The following NAALADL2 variants were observed in gnomAD, a reference collection of about 807,000 sequenced individuals.
NAALADL2 encodes the protein inactive N-acetylated-alpha-linked acidic dipeptidase-like protein 2.
Under a neutral mutation model 87.2 loss-of-function variants are expected in NAALADL2, and 76 were observed. That is an observed-to-expected ratio of 0.87 (90% CI 0.72 to 1.05). The LOEUF (loss-of-function observed/expected upper bound fraction) is 1.05. Ranked by LOEUF, NAALADL2 falls within the 50% of genes least tolerant of loss-of-function variation. NAALADL2 has a pLI of 0.00. For missense variants in NAALADL2, 1,089 were observed against 945.8 expected (o/e 1.15, Z -1.99); for synonymous variants, 354 against 331.0 (o/e 1.07, Z -0.75).
intron 1 of NAALADL2, among the ~76,000 whole-genome samples, chr3:174,924,005 A>G (rs1323802216): frequency 6.6e-6 from 1 of 151,964 alleles, no homozygotes; most frequent in African/African-American, 2.4e-5. Context: ...AGGTTTTTAA[A>G]AGAAGGAGAA....
chr3:174,461,028 GTATA>G (rs1716185626), intron 1 of NAALADL2, among the ~76,000 whole-genome samples: 1 of 152,030 alleles, frequency 6.6e-6, no homozygotes, highest in Admixed American at 6.6e-5. Flanking sequence ...ATTATGCAAA[GTATA>G]TATAGCTCAT....
chr3:175,409,786 G>A (rs186522633), intron 5 of NAALADL2, among the ~76,000 whole-genome samples: 1 of 152,004 alleles, frequency 6.6e-6, no homozygotes, highest in East Asian at 1.9e-4. Context: ...ATTTAATGAT[G>A]TATAAACTTA....
chr3:174,853,363 C>T (rs1200607926), intron 3 of NAALADL2, among the ~76,000 whole-genome samples: 5 of 129,046 alleles, frequency 3.9e-5, no homozygotes, highest in African/African-American at 6.1e-5. Flanking sequence ...GGCAACAGAG[C>T]GAGACTCAAT....
chr3:174,723,755 C>CGAA (rs1731926426), intron 2 of NAALADL2, among the ~76,000 whole-genome samples: 2 of 27,554 alleles, frequency 7.3e-5, no homozygotes, highest in Non-Finnish European at 1.1e-4. Flanking sequence ...GACTCCGTCT[C>CGAA]AAAAAAAAAA....
At chr3:175,148,869 G>A (rs566744228) in intron 2 of NAALADL2, among the ~76,000 whole-genome samples, 2 of 152,204 alleles carry the variant, frequency 1.3e-5, no homozygotes, top group East Asian at 1.9e-4. Context: ...TTGAAGTCAG[G>A]TAACGTGATA....
At chr3:174,991,772 A>C (rs1469145828) in intron 1 of NAALADL2, among the ~76,000 whole-genome samples, 1 of 152,114 alleles carries the variant, frequency 6.6e-6, no homozygotes, top group Non-Finnish European at 1.5e-5. Context: ...TATTAGTATT[A>C]TGTTTGAAAA....
chr3:175,700,061 T>A (rs2149962065), intron 11 of NAALADL2, among the ~76,000 whole-genome samples: 1 of 152,254 alleles, frequency 6.6e-6, no homozygotes, highest in Admixed American at 6.6e-5. Context: ...CCAGAAGTAT[T>A]TACTTCCCTT....
At chr3:175,324,346 T>C (rs75057468) in intron 5 of NAALADL2, 21 bp downstream of exon 5, 1 of 1,600,052 alleles carries the variant, frequency 6.2e-7, no homozygotes, top group East Asian at 2.3e-5. Context: ...TGGTCATCAT[T>C]ATTATACTTG....
intron 3 of NAALADL2, among the ~76,000 whole-genome samples, chr3:174,754,722 G>A (rs1317948380): frequency 1.3e-5 from 2 of 151,994 alleles, no homozygotes; most frequent in Non-Finnish European, 2.9e-5. Flanking sequence ...GTTGGAATAT[G>A]AATATTATTA....
intron 11 of NAALADL2, among the ~76,000 whole-genome samples, chr3:175,723,443 A>G (rs1462261949): frequency 1.3e-5 from 2 of 152,136 alleles, no homozygotes; most frequent in African/African-American, 4.8e-5. Flanking sequence ...TCAACAATAA[A>G]CATTTAGATA....
chr3:174,709,529 G>A (rs1009673979), intron 2 of NAALADL2, among the ~76,000 whole-genome samples: 7 of 152,044 alleles, frequency 4.6e-5, no homozygotes, highest in African/African-American at 1.7e-4. Flanking sequence ...ATCAAAATTT[G>A]TATTCTTAAG....
rs377739985 is a variant in NAALADL2, at chr3:174,920,875, T to G, written c.43+61425T>G. ...ATTAATTGTCCTAATTTCAGTATAG[T>G]TGTGTGTCTGAGAAGGAGGCCTGAG... On this transcript the variant is annotated intron_variant, in intron 1 of 13. Coordinates refer to ENST00000454872, the MANE Select transcript of NAALADL2 (RefSeq NM_207015.3). 7.2e-5 allele frequency among the ~76,000 whole-genome samples: 11 copies of G among 152,290 alleles called. No homozygotes were observed. In the East Asian group the frequency reaches 2.1e-3, roughly 29 times the overall value.
intron 11 of NAALADL2, among the ~76,000 whole-genome samples, chr3:175,728,143 G>C (rs1743186088): frequency 6.6e-6 from 1 of 152,076 alleles, no homozygotes; most frequent in African/African-American, 2.4e-5. Context: ...ATAGGTCAAG[G>C]GGAGCAATGG....
rs545991954 is a variant in NAALADL2, at chr3:175,049,459, G to T, written c.44-47331G>T. 2.6e-5 allele frequency among the ~76,000 whole-genome samples: 4 copies of T among 152,300 alleles called. No homozygotes were observed. The South Asian group carries it at 8.3e-4, about 32-fold the overall frequency. On this transcript the variant is annotated intron_variant, in intron 1 of 13. Transcript: ENST00000454872. The stretch of plus-strand genomic sequence containing the variant: ...CCTGTGTATAGAGGCCTAAAAAATA[G>T]ACGCAGACTTTTCTAAGCCAGGATG...
At chr3:174,868,136 C>A (rs1057049535) in intron 1 of NAALADL2, among the ~76,000 whole-genome samples, 2 of 152,002 alleles carry the variant, frequency 1.3e-5, no homozygotes, top group Admixed American at 1.3e-4. Flanking sequence ...CATCTAGATA[C>A]ATTGTGAGGG....
intron 1 of NAALADL2, among the ~76,000 whole-genome samples, chr3:175,087,682 G>A (rs1192082385): frequency 1.3e-5 from 2 of 152,042 alleles, no homozygotes; most frequent in Non-Finnish European, 2.9e-5. Flanking sequence ...TGCAAGATGT[G>A]CTTTGTTAAA....
intron 2 of NAALADL2, among the ~76,000 whole-genome samples, chr3:174,634,581 A>G (rs1479097076): frequency 6.6e-6 from 1 of 152,130 alleles, no homozygotes; most frequent in Non-Finnish European, 1.5e-5. Flanking sequence ...TTTGGATGGT[A>G]GTCATGACAG....
At chr3:175,381,064 A>C (rs1015269198) in intron 5 of NAALADL2, among the ~76,000 whole-genome samples, 1 of 152,016 alleles carries the variant, frequency 6.6e-6, no homozygotes, top group Non-Finnish European at 1.5e-5. Flanking sequence ...TTTATAATGA[A>C]CAACCTGAAA....
At chr3:175,465,815 C>G (rs1012506246) in intron 7 of NAALADL2, among the ~76,000 whole-genome samples, 1 of 152,148 alleles carries the variant, frequency 6.6e-6, no homozygotes, top group Non-Finnish European at 1.5e-5. Flanking sequence ...TTGCCAATTC[C>G]TGTGTGGAAA....
Sources: allele counts gnomAD v4.1 joint callset (sites outside exome capture counted in the v4.1 genomes callset), GRCh38; gene constraint gnomAD v4.1.1; transcripts MANE v1.5; gene names NCBI Gene and HGNC (gene_info 2026-07-23, HGNC 2026-07-21).